Variants in NSUN3 observed in about 807,000 individuals in gnomAD.
NSUN3 encodes NOP2/Sun RNA methyltransferase 3, also known as tRNA (cytosine(34)-C(5))-methyltransferase, mitochondrial.
NSUN3 carries 24 observed loss-of-function variants against 36.8 expected under a neutral mutation model. The observed-to-expected ratio is 0.65, with a 90% CI of 0.47 to 0.92. The LOEUF (loss-of-function observed/expected upper bound fraction) is 0.92. Ranked by LOEUF, NSUN3 falls within the 40% of genes least tolerant of loss-of-function variation. NSUN3 has a pLI of 0.00. For missense variants in NSUN3, 381 were observed against 392.8 expected (o/e 0.97, Z 0.25); for synonymous variants, 146 against 145.2 (o/e 1.01, Z -0.04).
chr3:94,102,330 T>A (rs762599382), intron 5 of NSUN3, among the ~76,000 whole-genome samples: 3 of 151,934 alleles, frequency 2.0e-5, no homozygotes, highest in Non-Finnish European at 4.4e-5. Context: ...AAAAAATTGA[T>A]GTGTTTATAT....
chr3:94,079,025 A>G (rs2077257627), intron 2 of NSUN3, among the ~76,000 whole-genome samples: 1 of 152,080 alleles, frequency 6.6e-6, no homozygotes, highest in African/African-American at 2.4e-5. Flanking sequence ...CATAGTGTCG[A>G]TGGTCTTTAC....
chr3:94,097,099 C>A (rs1473762488), intron 5 of NSUN3, among the ~76,000 whole-genome samples: 3 of 151,952 alleles, frequency 2.0e-5, no homozygotes, highest in Non-Finnish European at 4.4e-5. Flanking sequence ...TTCTTCCAAA[C>A]CTATTCTTAT....
At chr3:94,098,180 A>G (rs1017836154) in intron 5 of NSUN3, among the ~76,000 whole-genome samples, 3 of 152,044 alleles carry the variant, frequency 2.0e-5, no homozygotes, top group Admixed American at 2.0e-4. Flanking sequence ...CCCATCTTCA[A>G]CTTTCCTTTT....
At chr3:94,102,972 C>T (rs1276138562) in intron 5 of NSUN3, among the ~76,000 whole-genome samples, 3 of 152,094 alleles carry the variant, frequency 2.0e-5, no homozygotes, top group East Asian at 1.9e-4. Context: ...CTGCAACCTC[C>T]GCCTCCTGGA....
intron 2 of NSUN3, among the ~76,000 whole-genome samples, chr3:94,075,131 A>AT (rs1479956680): frequency 2.0e-5 from 3 of 151,816 alleles, no homozygotes; most frequent in South Asian, 2.1e-4. Context: ...GATTAATTTA[A>AT]TTTTTAAAAC....
chr3:94,125,344 G>A (rs527738725), intron 5 of NSUN3, among the ~76,000 whole-genome samples: 8 of 152,200 alleles, frequency 5.3e-5, no homozygotes, highest in African/African-American at 1.9e-4. Context: ...TTTTAAGGAC[G>A]AGACCTTTTA....
At position 94,086,771 on chromosome 3, in the gene NSUN3, A is replaced by G. The variant is rs2077294288; in HGVS notation, c.466+2321A>G. ...TTTACAAGTTTACCTCGTTATTTTTATAATTTGAGCTGAAGTTTTGTGGAA... is the reference window on the plus strand; with the variant it reads ...TTTACAAGTTTACCTCGTTATTTTTGTAATTTGAGCTGAAGTTTTGTGGAA... On this transcript the variant is annotated intron_variant, in intron 3 of 5. Coordinates refer to ENST00000314622, the MANE Select transcript of NSUN3 (RefSeq NM_022072.5). Among the ~76,000 whole-genome samples the G allele has an allele frequency of 5.3e-5, 8 of 152,368 alleles. No individual in the cohort carries two copies. The South Asian group carries it at 1.4e-3, about 28-fold the overall frequency.
intron 2 of NSUN3, chr3:94,076,076 T>C (rs2077244493): frequency 5.1e-6 from 8 of 1,573,004 alleles, no homozygotes; most frequent in South Asian, 1.1e-5. Flanking sequence ...GTGACCACCA[T>C]GAATAAACAA....
intron 2 of NSUN3, chr3:94,077,308 G>T: frequency 2.1e-6 from 1 of 472,336 alleles, no homozygotes; most frequent in Non-Finnish European, 3.8e-6. Context: ...TGGTGGATAA[G>T]CTTATTGATG....
At chr3:94,126,059 CAAAAA>C in intron 5 of NSUN3, 147 bp from the exon 6 acceptor site, 1 of 504,554 alleles carries the variant, frequency 2.0e-6, no homozygotes, top group Non-Finnish European at 3.2e-6. Context: ...GACTCTGTCT[CAAAAA>C]AAAAAAAAAG....
In NSUN3 at chr3:94,063,161, G is replaced by C. The variant is rs776507869; in HGVS notation, c.12+23G>C. Reference sequence around the variant, plus strand: ...CAGGTGAGACCTGGGGCCCGGCTGGGTACCTCTATCTGAATGAGACGCTTC... The same window carrying C: ...CAGGTGAGACCTGGGGCCCGGCTGGCTACCTCTATCTGAATGAGACGCTTC... On this transcript the variant is annotated intron_variant, in intron 1 of 5. Coordinates refer to ENST00000314622, the MANE Select transcript of NSUN3 (RefSeq NM_022072.5). 4 of 1,613,590 alleles carry C rather than the reference G, an allele frequency of 2.5e-6. No homozygotes were observed. The African/African-American group carries it at 5.3e-5, about 22-fold the overall frequency.
At position 94,095,032 on chromosome 3, in the gene NSUN3, G is replaced by C; in HGVS notation, c.622-1G>C. On this transcript the variant is annotated splice_acceptor_variant, in intron 4 of 5. Coordinates refer to ENST00000314622, the MANE Select transcript of NSUN3 (RefSeq NM_022072.5). LOFTEE classifies it high-confidence loss of function. ...GCATCACTTGTCTTTTTTTTCTCTA[G>C]GTGTTAGTGGATGCTCCGTGTTCAA... 6.2e-7 allele frequency: 1 copy of C among 1,612,786 alleles called. No individual in the cohort carries two copies. Among genetic ancestry groups the C allele is most frequent in the Non-Finnish European group, 8.5e-7 (1 of 1,179,378 alleles).
rs564238495 is a variant in NSUN3 at position 94,076,337 on chromosome 3, A to G, written c.123-7770A>G. 160 of 835,420 alleles carry G rather than the reference A, an allele frequency of 1.9e-4. 1 individual carries two copies. Among genetic ancestry groups the G allele is most frequent in the Non-Finnish European group, 2.9e-4 (136 of 469,794 alleles). 51.8% of individuals were successfully genotyped at this position (835,420 alleles called of 1,614,324 possible). ...TGGCAAGAATGAACTCACTATAAGG[A>G]TTGAAAGGCAGTTCACTTCAGCAGT... On this transcript the variant is annotated intron_variant, in intron 2 of 5. Coordinates refer to ENST00000314622, the MANE Select transcript of NSUN3 (RefSeq NM_022072.5).
At chr3:94,113,154 G>A (rs778354530) in intron 5 of NSUN3, among the ~76,000 whole-genome samples, 39 of 152,198 alleles carry the variant, frequency 2.6e-4, no homozygotes, top group Admixed American at 8.5e-4. Flanking sequence ...GTGAGCCACC[G>A]CACCCGGCCC....
At chr3:94,077,677 G>A (rs1202504855) in intron 2 of NSUN3, among the ~76,000 whole-genome samples, 1 of 152,190 alleles carries the variant, frequency 6.6e-6, no homozygotes, top group African/African-American at 2.4e-5. Context: ...GAGGTTGTAT[G>A]TGTCCAGGAA....
At chr3:94,073,167 G>A (rs2077232698) in intron 2 of NSUN3, among the ~76,000 whole-genome samples, 1 of 152,206 alleles carries the variant, frequency 6.6e-6, no homozygotes, top group Non-Finnish European at 1.5e-5. Flanking sequence ...ATTTCATGGG[G>A]TATATGTGAC....
intron 5 of NSUN3, among the ~76,000 whole-genome samples, chr3:94,109,751 C>T (rs963371724): frequency 6.6e-6 from 1 of 152,144 alleles, no homozygotes; most frequent in Admixed American, 6.5e-5. Flanking sequence ...AGTTGCTGCC[C>T]TTACCTACAT....
intron 3 of NSUN3, among the ~76,000 whole-genome samples, chr3:94,091,415 C>A (rs1209836225): frequency 6.6e-6 from 1 of 151,910 alleles, no homozygotes; most frequent in Non-Finnish European, 1.5e-5. Context: ...AGAAAGCCAT[C>A]CAAGATGGAA....
At chr3:94,092,449 A>G (rs146546319) in intron 3 of NSUN3, among the ~76,000 whole-genome samples, 1 of 152,280 alleles carries the variant, frequency 6.6e-6, no homozygotes, top group East Asian at 1.9e-4. Context: ...TCAAGCTAAG[A>G]CGAGGGCTTT....
Sources: allele counts gnomAD v4.1 joint callset (sites outside exome capture counted in the v4.1 genomes callset), GRCh38; gene constraint gnomAD v4.1.1; transcripts MANE v1.5; gene names NCBI Gene and HGNC (gene_info 2026-07-23, HGNC 2026-07-21).